CSGALNACT1: variants seen among roughly 807,000 people sequenced by gnomAD.
CSGALNACT1 encodes beta4GalNAcT-1.
A neutral mutation model predicts 51.0 loss-of-function variants in CSGALNACT1; 52 were observed. That is an observed-to-expected ratio of 1.02 (90% CI 0.82 to 1.29). CSGALNACT1 has a LOEUF of 1.29. Among genes scored for constraint, CSGALNACT1 ranks in the 50% most tolerant of loss-of-function variants. CSGALNACT1 has a pLI of 0.00. For synonymous variants in CSGALNACT1, 341 were observed against 254.4 expected, an observed-to-expected ratio of 1.34 and a Z score of -3.24; for missense variants, 935 against 679.2, an observed-to-expected ratio of 1.38 and a Z score of -4.19.
rs1224789930 is a variant in CSGALNACT1 at position 19,408,703 on chromosome 8, A to G, written c.1228-9T>C. 11 of 1,613,514 alleles carry G rather than the reference A, an allele frequency of 6.8e-6. No homozygotes were observed. In the South Asian group the frequency reaches 7.7e-5, roughly 11 times the overall value. On this transcript the variant is annotated splice_polypyrimidine_tract_variant and intron_variant, in intron 8 of 9. Coordinates refer to ENST00000454498, the Ensembl canonical transcript of CSGALNACT1. The stretch of plus-strand genomic sequence containing the variant: ...GTTTCCTTCTTTATGACCTGCAAGA[A>G]AAGCACTGTCATTTGAGGGGAAAGT...
At chr8:19,683,750 G>C (rs914092309), upstream of CSGALNACT1, among the ~76,000 whole-genome samples, 1 of 151,946 alleles carries the variant, frequency 6.6e-6, no homozygotes, top group African/African-American at 2.4e-5. Flanking sequence ...CTACAGCTTG[G>C]CAAAAATGAT....
intron 3 of CSGALNACT1, among the ~76,000 whole-genome samples, chr8:19,545,356 T>G (rs1412929141): frequency 6.6e-6 from 1 of 152,222 alleles, no homozygotes; most frequent in South Asian, 2.1e-4. Flanking sequence ...TTTAAATTCA[T>G]AGATAACCCT....
intron 5 of CSGALNACT1, among the ~76,000 whole-genome samples, chr8:19,450,639 G>C (rs1168563575): frequency 1.3e-5 from 2 of 152,164 alleles, no homozygotes; most frequent in Non-Finnish European, 1.5e-5. Context: ...GCTCACGCCT[G>C]TAATCCCAAC....
At chr8:19,588,336 T>C (rs1223784537) in intron 3 of CSGALNACT1, among the ~76,000 whole-genome samples, 2 of 152,250 alleles carry the variant, frequency 1.3e-5, no homozygotes, top group African/African-American at 2.4e-5. Flanking sequence ...ATCATATTAA[T>C]ACTCCTAATA....
intron 3 of CSGALNACT1, among the ~76,000 whole-genome samples, chr8:19,590,639 A>ATT (rs2047599486): frequency 1.0e-5 from 1 of 99,156 alleles, no homozygotes; most frequent in African/African-American, 4.7e-5. Flanking sequence ...GGACCTAACT[A>ATT]CTTTTTTTTT....
At chr8:19,474,611 T>C (rs976596884) in intron 4 of CSGALNACT1, among the ~76,000 whole-genome samples, 3 of 152,088 alleles carry the variant, frequency 2.0e-5, no homozygotes, top group Non-Finnish European at 4.4e-5. Flanking sequence ...CTCACACCTA[T>C]AATCCCAACA....
chr8:19,471,915 G>C (rs1563589595), intron 4 of CSGALNACT1, among the ~76,000 whole-genome samples: 3 of 152,188 alleles, frequency 2.0e-5, no homozygotes, highest in Non-Finnish European at 4.4e-5. Flanking sequence ...CTCTAGAGCT[G>C]GCTGGACCCA....
chr8:19,476,864 A>G (rs1456384689), intron 4 of CSGALNACT1, among the ~76,000 whole-genome samples: 1 of 152,176 alleles, frequency 6.6e-6, no homozygotes. Context: ...AGATGATTCT[A>G]GACCTCAGCT....
intron 1 of CSGALNACT1, among the ~76,000 whole-genome samples, chr8:19,664,550 C>T (rs966065675): frequency 1.3e-5 from 2 of 152,102 alleles, no homozygotes; most frequent in African/African-American, 4.8e-5. Context: ...TATCCCAGCA[C>T]CGTTCACAAC....
chr8:19,495,609 TTAGGGCAC>T (rs2075314150), intron 4 of CSGALNACT1, among the ~76,000 whole-genome samples: 1 of 152,112 alleles, frequency 6.6e-6, no homozygotes, highest in African/African-American at 2.4e-5. Flanking sequence ...TGATGGGTCC[TTAGGGCAC>T]AAGCTCCAGA....
intron 5 of CSGALNACT1, among the ~76,000 whole-genome samples, chr8:19,451,760 C>T (rs751310638): frequency 3.9e-5 from 6 of 152,184 alleles, no homozygotes; most frequent in Non-Finnish European, 5.9e-5. Flanking sequence ...CCATGCAAGT[C>T]TTTTCTAGGT....
At chr8:19,650,584 C>T (rs4574861) in intron 1 of CSGALNACT1, among the ~76,000 whole-genome samples, 66,592 of 151,994 alleles carry the variant, frequency 0.44, 14,982 homozygotes, top group Middle Eastern at 0.54. Flanking sequence ...ACGGGGTCAA[C>T]GTGGTCCTGG....
chr8:19,583,179 A>T (rs938687536), intron 3 of CSGALNACT1, among the ~76,000 whole-genome samples: 1 of 152,034 alleles, frequency 6.6e-6, no homozygotes, highest in African/African-American at 2.4e-5. Context: ...CCTTTTTTTA[A>T]AAAAAAATCC....
chr8:19,418,770 C>T lies in CSGALNACT1; in HGVS notation c.1133-20G>A. On this transcript the variant is annotated intron_variant, in intron 7 of 9. Coordinates refer to ENST00000454498, the Ensembl canonical transcript of CSGALNACT1. ...TCTTCCCTACAAACCAGAAAACAAA[C>T]ATTCACTTAAAGTGACAGATCCAAG... The T allele has an allele frequency of 6.5e-7, 1 of 1,534,436 alleles. No homozygotes were observed. Among genetic ancestry groups the T allele is most frequent in the Non-Finnish European group, 9.0e-7 (1 of 1,107,554 alleles).
exon 4 of CSGALNACT1, chr8:19,505,668 C>T (rs1209392009): frequency 6.2e-7 from 1 of 1,614,140 alleles, no homozygotes; most frequent in African/African-American, 1.3e-5. Flanking sequence ...GGCCTGGTAC[C>T]CCTCCTTCCC....
At chr8:19,473,937 C>T (rs2153881094) in intron 4 of CSGALNACT1, among the ~76,000 whole-genome samples, 1 of 152,274 alleles carries the variant, frequency 6.6e-6, no homozygotes, top group African/African-American at 2.4e-5. Flanking sequence ...TCATCTATGC[C>T]AGTAGAAACT....
rs139206913 is a variant in CSGALNACT1, at chr8:19,477,407, G to A, written c.635-18765C>T. On this transcript the variant is annotated intron_variant, in intron 4 of 9. Coordinates refer to ENST00000454498, the Ensembl canonical transcript of CSGALNACT1. ...GCACGGCTATAATGAATTCAGCCTA[G>A]AAAACTTTTCCAGCGGACGATAGCA... 8.0e-3 allele frequency among the ~76,000 whole-genome samples: 1,212 copies of A among 152,266 alleles called. 15 individuals are homozygous for A. The highest frequency in any genetic ancestry group is 0.027 in the African/African-American group (1,127 of 41,544).
chr8:19,488,294 G>C (rs896654753), intron 4 of CSGALNACT1, among the ~76,000 whole-genome samples: 4 of 150,664 alleles, frequency 2.7e-5, no homozygotes, highest in African/African-American at 9.7e-5. Context: ...AGATTGCAGT[G>C]AGCTGAGCTC....
intron 1 of CSGALNACT1, among the ~76,000 whole-genome samples, chr8:19,675,784 T>C (rs2060132247): frequency 6.6e-6 from 1 of 152,056 alleles, no homozygotes; most frequent in Non-Finnish European, 1.5e-5. Context: ...CACTGTGCCC[T>C]GCGCCCTAAT....
Sources: allele counts gnomAD v4.1 joint callset (sites outside exome capture counted in the v4.1 genomes callset), GRCh38; gene constraint gnomAD v4.1.1; transcripts MANE v1.5; gene names NCBI Gene and HGNC (gene_info 2026-07-23, HGNC 2026-07-21).